PCDH15: variants seen among roughly 807,000 people sequenced by gnomAD.
PCDH15 encodes the protein protocadherin-15.
Under a neutral mutation model 178.5 loss-of-function variants are expected in PCDH15, and 129 were observed. The ratio of observed to expected loss-of-function variants is 0.72; its 90% CI spans 0.63 to 0.84. The LOEUF (loss-of-function observed/expected upper bound fraction) is 0.84, where lower values mean the gene tolerates loss of function less well. Among genes scored for constraint, PCDH15 ranks in the 40% least tolerant of loss-of-function variants. The probability of loss-of-function intolerance (pLI) is 0.00; values close to 1 mark genes in which losing one functional copy is unlikely to be tolerated. For missense variants in PCDH15, 2,230 were observed against 2,099.9 expected, an observed-to-expected ratio of 1.06 and a Z score of -1.21; for synonymous variants, 800 against 732.0, an observed-to-expected ratio of 1.09 and a Z score of -1.50.
intron 13 of PCDH15, among the ~76,000 whole-genome samples, chr10:54,162,443 T>G (rs1011100968): frequency 2.0e-5 from 3 of 152,126 alleles, no homozygotes; most frequent in Non-Finnish European, 2.9e-5. Context: ...AGGCTGTCTG[T>G]GTTGAGAAAA....
intron 2 of PCDH15, among the ~76,000 whole-genome samples, chr10:55,565,111 A>T (rs1469522755): frequency 6.6e-6 from 1 of 151,780 alleles, no homozygotes; most frequent in African/African-American, 2.4e-5. Context: ...GCCACAAATT[A>T]CATCTCAATA....
At chr10:54,087,994 T>G (rs926780384) in intron 16 of PCDH15, among the ~76,000 whole-genome samples, 1 of 152,118 alleles carries the variant, frequency 6.6e-6, no homozygotes, top group Non-Finnish European at 1.5e-5. Flanking sequence ...GTCATGACTT[T>G]TAAGTTTCCT....
At chr10:55,281,708 A>G (rs947895948) in intron 1 of PCDH15, among the ~76,000 whole-genome samples, 1 of 152,252 alleles carries the variant, frequency 6.6e-6, no homozygotes, top group Admixed American at 6.5e-5. Flanking sequence ...AACCTGGCTC[A>G]CAAAAACTTA....
At chr10:54,765,866 T>C (rs1948444890) in intron 1 of PCDH15, among the ~76,000 whole-genome samples, 1 of 152,152 alleles carries the variant, frequency 6.6e-6, no homozygotes, top group Non-Finnish European at 1.5e-5. Flanking sequence ...GGAAACACAA[T>C]TTCATAGACA....
chr10:54,696,052 T>C (rs1565964949), intron 1 of PCDH15, among the ~76,000 whole-genome samples: 1 of 151,994 alleles, frequency 6.6e-6, no homozygotes, highest in African/African-American at 2.4e-5. Context: ...ATTTAAGAAA[T>C]ACATTTCACA....
chr10:54,347,949 C>T (rs555097629), intron 5 of PCDH15, among the ~76,000 whole-genome samples: 21 of 152,084 alleles, frequency 1.4e-4, no homozygotes, highest in East Asian at 3.9e-4. Flanking sequence ...CCCGGGTTCA[C>T]GCCATTCTCC....
intron 4 of PCDH15, among the ~76,000 whole-genome samples, chr10:54,373,830 T>C (rs897770339): frequency 1.3e-5 from 2 of 151,990 alleles, no homozygotes; most frequent in Non-Finnish European, 2.9e-5. Flanking sequence ...TTAAGATATC[T>C]CTTAGTAGCA....
intron 2 of PCDH15, among the ~76,000 whole-genome samples, chr10:55,452,718 A>T (rs2132082734): frequency 6.6e-6 from 1 of 152,220 alleles, no homozygotes; most frequent in South Asian, 2.1e-4. Flanking sequence ...CCCAGAAACA[A>T]ATTTCCACTG....
chr10:55,177,459 CAGCAGCCTGT>C (rs1839525035), intron 1 of PCDH15, among the ~76,000 whole-genome samples: 10 of 152,162 alleles, frequency 6.6e-5, no homozygotes, highest in Admixed American at 6.5e-4. Context: ...AGATCCAGTC[CAGCAGCCTGT>C]AGGCTATCTA....
intron 15 of PCDH15, among the ~76,000 whole-genome samples, chr10:54,104,874 C>T (rs1473837608): frequency 6.7e-6 from 1 of 148,376 alleles, no homozygotes; most frequent in Non-Finnish European, 1.5e-5. Flanking sequence ...AAAAAAGAAT[C>T]CCTGAGTTCA....
chr10:54,209,119 T>G (rs2051135016), intron 10 of PCDH15, among the ~76,000 whole-genome samples: 1 of 152,060 alleles, frequency 6.6e-6, no homozygotes, highest in Non-Finnish European at 1.5e-5. Context: ...TCTTTTTCAT[T>G]TTGAGAAGTG....
intron 2 of PCDH15, among the ~76,000 whole-genome samples, chr10:55,046,963 C>A (rs937526218): frequency 6.6e-6 from 1 of 151,752 alleles, no homozygotes; most frequent in Admixed American, 6.6e-5. Flanking sequence ...ATTACATATT[C>A]ATCTATATTC....
At chr10:54,024,628 C>T (rs2093027913) in intron 18 of PCDH15, among the ~76,000 whole-genome samples, 1 of 151,928 alleles carries the variant, frequency 6.6e-6, no homozygotes, top group South Asian at 2.1e-4. Context: ...CACAACTGCC[C>T]CTGGGAGTTT....
chr10:54,378,086 C>T (rs1021776535), intron 4 of PCDH15, among the ~76,000 whole-genome samples: 1 of 151,792 alleles, frequency 6.6e-6, no homozygotes, highest in Admixed American at 6.6e-5. Flanking sequence ...ACCATGCCTG[C>T]CTAGTTTTTC....
intron 2 of PCDH15, among the ~76,000 whole-genome samples, chr10:55,588,270 C>G (rs1842767719): frequency 6.6e-6 from 1 of 152,136 alleles, no homozygotes; most frequent in African/African-American, 2.4e-5. Context: ...GCAGCTAAGA[C>G]TCTTTTACTT....
intron 2 of PCDH15, among the ~76,000 whole-genome samples, chr10:54,958,396 A>G (rs551722199): frequency 6.6e-6 from 1 of 151,992 alleles, no homozygotes; most frequent in South Asian, 2.1e-4. Flanking sequence ...ACCTAATAAA[A>G]CAAATGCATT....
intron 1 of PCDH15, among the ~76,000 whole-genome samples, chr10:54,728,939 G>T (rs1221162833): frequency 6.6e-6 from 1 of 151,394 alleles, no homozygotes; most frequent in Non-Finnish European, 1.5e-5. Flanking sequence ...CAAACAAATG[G>T]AAATACATAC....
At chr10:54,550,535 A>T (rs540892471) in intron 2 of PCDH15, among the ~76,000 whole-genome samples, 1 of 151,926 alleles carries the variant, frequency 6.6e-6, no homozygotes, top group South Asian at 2.1e-4. Flanking sequence ...ACACATATAC[A>T]ATGTTTGTTG....
At chr10:53,814,297 G>A (rs777816712) in intron 35 of PCDH15, among the ~76,000 whole-genome samples, 4 of 152,068 alleles carry the variant, frequency 2.6e-5, no homozygotes, top group Non-Finnish European at 5.9e-5. Flanking sequence ...TAAGAAACAC[G>A]AAATAAAAAT....
Sources: allele counts gnomAD v4.1 joint callset (sites outside exome capture counted in the v4.1 genomes callset), GRCh38; gene constraint gnomAD v4.1.1; transcripts MANE v1.5; gene names NCBI Gene and HGNC (gene_info 2026-07-23, HGNC 2026-07-21).